Variants in TMEM163 observed in about 807,000 individuals in gnomAD.
TMEM163 encodes transmembrane protein 163.
In TMEM163, 17 loss-of-function variants were observed where a neutral mutation model predicts 29.3. That is an observed-to-expected ratio of 0.58 (90% confidence interval 0.40 to 0.87). The LOEUF (loss-of-function observed/expected upper bound fraction) is 0.87, where lower values mean the gene tolerates loss of function less well. Among genes scored for constraint, TMEM163 ranks in the 40% least tolerant of loss-of-function variants. The probability of loss-of-function intolerance (pLI) is 0.00; values close to 1 mark genes in which losing one functional copy is unlikely to be tolerated. For synonymous variants in TMEM163, 157 were observed against 160.6 expected, an observed-to-expected ratio of 0.98 and a Z score of 0.17; for missense variants, 303 against 381.5, an observed-to-expected ratio of 0.79 and a Z score of 1.71.
intron 2 of TMEM163, among the ~76,000 whole-genome samples, chr2:134,699,017 T>C (rs1313628575): frequency 3.3e-5 from 5 of 152,216 alleles, no homozygotes; most frequent in Admixed American, 2.6e-4. Flanking sequence ...AAAATGAATT[T>C]GGTAGGATGT....
chr2:134,473,434 C>T (rs990683974), intron 5 of TMEM163, among the ~76,000 whole-genome samples: 2 of 151,540 alleles, frequency 1.3e-5, no homozygotes, highest in Non-Finnish European at 2.9e-5. Flanking sequence ...ACATGAGAGG[C>T]TGAGGCAGGA....
At chr2:134,694,027 C>T (rs1684529951) in intron 2 of TMEM163, among the ~76,000 whole-genome samples, 1 of 152,138 alleles carries the variant, frequency 6.6e-6, no homozygotes, top group Non-Finnish European at 1.5e-5. Flanking sequence ...AGCTTGGAAA[C>T]TTAGGAAAGC....
chr2:134,704,815 T>A (rs749111239), intron 2 of TMEM163, among the ~76,000 whole-genome samples: 5 of 152,272 alleles, frequency 3.3e-5, no homozygotes, highest in Non-Finnish European at 5.9e-5. Context: ...CACCCTTTCA[T>A]TGAAGGTAAA....
intron 2 of TMEM163, among the ~76,000 whole-genome samples, chr2:134,674,405 A>G (rs1176473503): frequency 1.4e-5 from 2 of 139,094 alleles, no homozygotes; most frequent in African/African-American, 5.5e-5. Flanking sequence ...GTGCAGTAGC[A>G]CAATCTCAGC....
At chr2:134,507,127 G>A (rs536312427) in intron 4 of TMEM163, among the ~76,000 whole-genome samples, 3 of 152,108 alleles carry the variant, frequency 2.0e-5, no homozygotes, top group African/African-American at 4.8e-5. Context: ...ACCTGAGGTC[G>A]GGAGGTCAAG....
chr2:134,471,576 A>G (rs1458084948), intron 5 of TMEM163, among the ~76,000 whole-genome samples: 1 of 152,162 alleles, frequency 6.6e-6, no homozygotes, highest in Non-Finnish European at 1.5e-5. Context: ...TGTCTTTGGC[A>G]CCCCAAGCTA....
chr2:134,592,869 G>GAGATAGATAGATAGATAGATAGAT (rs55925415), intron 2 of TMEM163, among the ~76,000 whole-genome samples: 50,209 of 147,992 alleles, frequency 0.34, 9,568 homozygotes, highest in Non-Finnish European at 0.42. Flanking sequence ...TATTAATATA[G>GAGATAGATAGATAGATAGATAGAT]AGATAGATAG....
intron 5 of TMEM163, among the ~76,000 whole-genome samples, chr2:134,501,105 C>T (rs1679687736): frequency 6.6e-6 from 1 of 151,930 alleles, no homozygotes; most frequent in African/African-American, 2.4e-5. Flanking sequence ...CACTATGTAC[C>T]CCATAAATTA....
chr2:134,664,550 A>G (rs1683829668), intron 2 of TMEM163, among the ~76,000 whole-genome samples: 1 of 152,226 alleles, frequency 6.6e-6, no homozygotes, highest in South Asian at 2.1e-4. Context: ...TACTTGAGGT[A>G]AGGAGATTAT....
chr2:134,598,779 G>C (rs1294981798), intron 2 of TMEM163, among the ~76,000 whole-genome samples: 1 of 151,940 alleles, frequency 6.6e-6, no homozygotes, highest in Non-Finnish European at 1.5e-5. Context: ...AATTATCCAG[G>C]TATGGTGGCT....
At chr2:134,587,945 C>T (rs888955152) in intron 2 of TMEM163, among the ~76,000 whole-genome samples, 6 of 152,220 alleles carry the variant, frequency 3.9e-5, no homozygotes, top group African/African-American at 1.4e-4. Context: ...CAGTTACAAC[C>T]TCTCTATAAA....
At chr2:134,514,443 T>C (rs1454181872) in intron 4 of TMEM163, among the ~76,000 whole-genome samples, 2 of 150,530 alleles carry the variant, frequency 1.3e-5, no homozygotes, top group Non-Finnish European at 2.9e-5. Context: ...TTGTATTATT[T>C]TAAGAAAGTT....
intron 2 of TMEM163, among the ~76,000 whole-genome samples, chr2:134,708,634 T>C (rs1462644272): frequency 6.6e-6 from 1 of 152,132 alleles, no homozygotes; most frequent in Non-Finnish European, 1.5e-5. Flanking sequence ...TCACCCAGGC[T>C]GGAGTGCAGT....
intron 2 of TMEM163, among the ~76,000 whole-genome samples, chr2:134,592,610 T>A (rs1681963202): frequency 6.6e-6 from 1 of 152,090 alleles, no homozygotes; most frequent in African/African-American, 2.4e-5. Context: ...TGCTCCCTTC[T>A]CATCATGGGC....
intron 2 of TMEM163, among the ~76,000 whole-genome samples, chr2:134,644,215 G>A (rs1683282342): frequency 6.6e-6 from 1 of 152,082 alleles, no homozygotes; most frequent in South Asian, 2.1e-4. Flanking sequence ...TTAAGAAAAG[G>A]CCATTGAATT....
At position 134,606,018 on chromosome 2, in the gene TMEM163, T is replaced by C. The variant is rs541373352; in HGVS notation, c.323-53927A>G. ...AACATTCACTTTTCCTTTTAAACAA[T>C]TGAGTATACGCGGGGGGCAGTGGCA... On this transcript the variant is annotated intron_variant, in intron 2 of 7. Transcript: ENST00000281924. Among the ~76,000 whole-genome samples the C allele has an allele frequency of 9.9e-5, 15 of 152,196 alleles. 1 individual carries two copies. In the South Asian group the frequency reaches 2.7e-3, roughly 27 times the overall value.
At chr2:134,612,542 AACACACACAC>A (rs3039625) in intron 2 of TMEM163, among the ~76,000 whole-genome samples, 22 of 140,566 alleles carry the variant, frequency 1.6e-4, no homozygotes, top group African/African-American at 4.3e-4. Context: ...GGTTTGCCCC[AACACACACAC>A]ACACACACAC....
intron 5 of TMEM163, among the ~76,000 whole-genome samples, chr2:134,495,963 T>C (rs950232096): frequency 6.6e-6 from 1 of 152,218 alleles, no homozygotes; most frequent in African/African-American, 2.4e-5. Flanking sequence ...TCCCATCCTA[T>C]GTTATAGAAC....
At chr2:134,515,430 C>T (rs1680037867) in intron 4 of TMEM163, among the ~76,000 whole-genome samples, 1 of 152,168 alleles carries the variant, frequency 6.6e-6, no homozygotes, top group African/African-American at 2.4e-5. Context: ...TAAAAATACT[C>T]CATAATTTCC....
Sources: allele counts gnomAD v4.1 joint callset (sites outside exome capture counted in the v4.1 genomes callset), GRCh38; gene constraint gnomAD v4.1.1; transcripts MANE v1.5; gene names NCBI Gene and HGNC (gene_info 2026-07-23, HGNC 2026-07-21).